PIK3CB: variants seen among roughly 807,000 people sequenced by gnomAD.
PIK3CB encodes phosphatidylinositol 4,5-bisphosphate 3-kinase catalytic subunit beta isoform.
PIK3CB carries 39 observed loss-of-function variants against 136.8 expected under a neutral mutation model. The ratio of observed to expected loss-of-function variants is 0.29; its 90% CI spans 0.22 to 0.37. The LOEUF is 0.37. Among genes scored for constraint, PIK3CB ranks in the 10% least tolerant of loss-of-function variants. The pLI is 1.00. For synonymous variants in PIK3CB, 428 were observed against 436.6 expected, an observed-to-expected ratio of 0.98 and a Z score of 0.25; for missense variants, 868 against 1,275.4, an observed-to-expected ratio of 0.68 and a Z score of 4.87.
intron 1 of PIK3CB, among the ~76,000 whole-genome samples, chr3:138,798,426 G>A (rs1226607804): frequency 1.3e-5 from 2 of 152,166 alleles, no homozygotes; most frequent in African/African-American, 2.4e-5. Context: ...GCCTCCCAAA[G>A]TGCTGGGATT....
chr3:138,779,248 G>A (rs1383144218), intron 2 of PIK3CB, among the ~76,000 whole-genome samples: 1 of 151,766 alleles, frequency 6.6e-6, no homozygotes, highest in Non-Finnish European at 1.5e-5. Context: ...ACCATGCCCG[G>A]CTAATTTTTT....
chr3:138,733,683 C>T (rs2045039134), intron 7 of PIK3CB, among the ~76,000 whole-genome samples: 2 of 151,966 alleles, frequency 1.3e-5, no homozygotes. Flanking sequence ...TCGAGACCAT[C>T]CTGGCTAACA....
At chr3:138,738,178 C>CT (rs914327442) in intron 5 of PIK3CB, among the ~76,000 whole-genome samples, 89 of 146,782 alleles carry the variant, frequency 6.1e-4, no homozygotes, top group Middle Eastern at 7.1e-3. Context: ...AACATCTCAT[C>CT]TTTTTTTTTT....
chr3:138,713,410 G>A (rs1034138961), intron 9 of PIK3CB, among the ~76,000 whole-genome samples: 1 of 151,894 alleles, frequency 6.6e-6, no homozygotes. Flanking sequence ...CGGTGGCCAC[G>A]CCTGTAATCC....
intron 2 of PIK3CB, among the ~76,000 whole-genome samples, 183 bp downstream of exon 2, chr3:138,796,280 G>C (rs968399546): frequency 6.6e-6 from 1 of 151,518 alleles, no homozygotes; most frequent in East Asian, 1.9e-4. Context: ...AGCTACTCAG[G>C]AGGCTGAGGC....
At chr3:138,772,307 T>C (rs922221146) in intron 2 of PIK3CB, among the ~76,000 whole-genome samples, 1 of 152,172 alleles carries the variant, frequency 6.6e-6, no homozygotes, top group Non-Finnish European at 1.5e-5. Flanking sequence ...ATAAAATAAA[T>C]GTTTCTTTTA....
At chr3:138,797,803 T>G (rs1188762962) in intron 1 of PIK3CB, among the ~76,000 whole-genome samples, 1 of 151,898 alleles carries the variant, frequency 6.6e-6, no homozygotes, top group Admixed American at 6.6e-5. Context: ...AAAAATAAAA[T>G]CCAGGGCCAG....
intron 19 of PIK3CB, among the ~76,000 whole-genome samples, chr3:138,681,311 G>A (rs2043777237): frequency 6.6e-6 from 1 of 152,136 alleles, no homozygotes; most frequent in South Asian, 2.1e-4. Flanking sequence ...CTCCCAAAGT[G>A]CTGGGATTAC....
chr3:138,815,176 T>TATATATAC (rs1160526200), intron 1 of PIK3CB, among the ~76,000 whole-genome samples: 1 of 92,940 alleles, frequency 1.1e-5, no homozygotes, highest in Non-Finnish European at 2.0e-5. Context: ...TATATATATA[T>TATATATAC]ACATATATAT....
intron 2 of PIK3CB, among the ~76,000 whole-genome samples, chr3:138,764,111 CAAA>C (rs143635044): frequency 7.6e-5 from 6 of 78,986 alleles, no homozygotes; most frequent in South Asian, 3.9e-4. Context: ...ACTCCATCTC[CAAA>C]AAAAAAAAAA....
chr3:138,765,783 G>A (rs2045725339), intron 2 of PIK3CB, among the ~76,000 whole-genome samples: 2 of 152,100 alleles, frequency 1.3e-5, no homozygotes. Flanking sequence ...GAGCCCAGGA[G>A]GTTGAGGCTG....
intron 20 of PIK3CB, among the ~76,000 whole-genome samples, chr3:138,664,497 C>T (rs2043365846): frequency 6.6e-6 from 1 of 152,160 alleles, no homozygotes; most frequent in Non-Finnish European, 1.5e-5. Flanking sequence ...GCCTTAAGAT[C>T]AAAATTTGGA....
intron 11 of PIK3CB, 29 bp from the exon 12 acceptor site, chr3:138,704,522 T>C (rs1222668063): frequency 6.7e-7 from 1 of 1,484,844 alleles, no homozygotes; most frequent in Non-Finnish European, 9.4e-7. Context: ...GAAAATGAAT[T>C]TTGGCTCTCA....
intron 2 of PIK3CB, among the ~76,000 whole-genome samples, chr3:138,770,805 A>C (rs187497787): frequency 6.6e-6 from 1 of 151,896 alleles, no homozygotes; most frequent in African/African-American, 2.4e-5. Context: ...TCCGGCTCCC[A>C]GGTTCAAGCA....
At chr3:138,659,150 G>A (rs1559794520) in intron 21 of PIK3CB, among the ~76,000 whole-genome samples, 1 of 152,072 alleles carries the variant, frequency 6.6e-6, no homozygotes, top group Non-Finnish European at 1.5e-5. Flanking sequence ...TCTATCCACT[G>A]GACTACCCCA....
At chr3:138,676,200 C>G (rs1315328036) in intron 19 of PIK3CB, among the ~76,000 whole-genome samples, 1 of 152,088 alleles carries the variant, frequency 6.6e-6, no homozygotes, top group South Asian at 2.1e-4. Flanking sequence ...AAATAACCAA[C>G]AAGCACATGA....
At chr3:138,788,831 G>A (rs557401560) in intron 2 of PIK3CB, among the ~76,000 whole-genome samples, 2 of 151,220 alleles carry the variant, frequency 1.3e-5, no homozygotes, top group Admixed American at 1.3e-4. Flanking sequence ...GGGCATAGTG[G>A]TACGCACCTG....
intron 14 of PIK3CB, among the ~76,000 whole-genome samples, chr3:138,694,315 C>T (rs2044089179): frequency 6.6e-6 from 1 of 151,956 alleles, no homozygotes; most frequent in African/African-American, 2.4e-5. Flanking sequence ...ACCGTGGCCA[C>T]GAAGTCTCTA....
intron 14 of PIK3CB, among the ~76,000 whole-genome samples, chr3:138,694,254 A>C (rs928652913): frequency 6.6e-6 from 1 of 151,894 alleles, no homozygotes; most frequent in African/African-American, 2.4e-5. Context: ...GGAGTATAGA[A>C]ATCTGGTACA....
Sources: gnomAD v4.1 joint callset for allele counts (sites outside exome capture counted in the v4.1 genomes callset) on GRCh38, gnomAD v4.1.1 for gene constraint, MANE v1.5 for transcripts, NCBI Gene and HGNC (gene_info 2026-07-23, HGNC 2026-07-21) for gene names.